The following BRD3 variants were observed in gnomAD, a reference collection of about 807,000 sequenced individuals.
The protein encoded by BRD3 is bromodomain-containing protein 3.
Under a neutral mutation model 66.8 loss-of-function variants are expected in BRD3, and 17 were observed. The observed-to-expected ratio is 0.25, with a 90% CI of 0.17 to 0.38. The LOEUF is 0.38. BRD3 is among the 10% of genes least tolerant of loss of function. The pLI, the probability that BRD3 is intolerant of heterozygous loss-of-function variation, is 1.00. For missense variants in BRD3, 713 were observed against 956.1 expected (o/e 0.75, Z 3.35); for synonymous variants, 421 against 393.2 (o/e 1.07, Z -0.84).
chr9:134,055,234 G>A (rs767775610), intron 1 of BRD3, among the ~76,000 whole-genome samples: 59 of 152,226 alleles, frequency 3.9e-4, no homozygotes, highest in South Asian at 1.2e-3. Context: ...GCACCGCAGG[G>A]TGATCCTGTT....
chr9:134,044,573 A>G (rs1489383664), intron 7 of BRD3, among the ~76,000 whole-genome samples: 1 of 151,926 alleles, frequency 6.6e-6, no homozygotes, highest in Non-Finnish European at 1.5e-5. Context: ...TATAAAAGCA[A>G]ACCACCTGCG....
rs369294776 is a variant in BRD3, at chr9:134,051,767, G to C, written c.352-58C>G. 4.5e-6 allele frequency: 7 copies of C among 1,542,304 alleles called. No homozygotes were observed. The African/African-American group carries it at 9.9e-5, about 22-fold the overall frequency. ...GGAAAGGAGCTGTGTGCTTGCAAAG[G>C]ACATTATTAGTTGTAGCTCAAAAAA... On this transcript the variant is annotated intron_variant, in intron 3 of 11. Coordinates refer to ENST00000303407, the MANE Select transcript of BRD3 (RefSeq NM_007371.4).
At chr9:134,058,661 C>T (rs2132446901) in intron 1 of BRD3, 1 of 152,406 alleles carries the variant, frequency 6.6e-6, no homozygotes, top group East Asian at 1.9e-4. Context: ...CCTACACACA[C>T]CCCTACCCCA....
chr9:134,036,536 T>G (rs759396067), intron 9 of BRD3: 1 of 1,608,612 alleles, frequency 6.2e-7, no homozygotes, highest in African/African-American at 1.3e-5. Context: ...TTACAGAGGT[T>G]CGTTCCTCTC....
At chr9:134,064,931 AC>A (rs1465177726) in intron 1 of BRD3, among the ~76,000 whole-genome samples, 1 of 152,234 alleles carries the variant, frequency 6.6e-6, no homozygotes, top group Non-Finnish European at 1.5e-5. Context: ...GCAAACGCTG[AC>A]CCAAATGCAC....
At position 134,053,263 on chromosome 9, in the gene BRD3, A is replaced by C; in HGVS notation, c.213+2T>G. The C allele has an allele frequency of 6.2e-7, 1 of 1,613,254 alleles. No individual in the cohort carries two copies. Among genetic ancestry groups the C allele is most frequent in the Non-Finnish European group, 8.5e-7 (1 of 1,180,018 alleles). On this transcript the variant is annotated splice_donor_variant, in intron 2 of 11. Coordinates refer to ENST00000303407, the MANE Select transcript of BRD3 (RefSeq NM_007371.4). LOFTEE classifies it high-confidence loss of function. ...GCTCTTGGGGAGGCAGCAGCTACGC[A>C]CCGGCAGGTTCAATTTGATTGCGTC...
intron 9 of BRD3, among the ~76,000 whole-genome samples, chr9:134,036,841 T>C (rs1829928191): frequency 3.3e-5 from 5 of 151,792 alleles, no homozygotes; most frequent in Admixed American, 3.3e-4. Flanking sequence ...ACCTCGTCTC[T>C]ACTACTAAAA....
chr9:134,045,248 C>T lies in BRD3; in HGVS notation c.1215+45G>A, dbSNP rs1163249477. On this transcript the variant is annotated intron_variant, in intron 7 of 11. Transcript: ENST00000303407. The surrounding 1 kb of genome is among the most constrained non-coding windows in gnomAD (Gnocchi z 4.8). Reference sequence around the variant, plus strand: ...CCCCACACTGAGGCCAGGATGCCCACAGCACTGAGCTGAGCAGCCCCACCC... The same window carrying T: ...CCCCACACTGAGGCCAGGATGCCCATAGCACTGAGCTGAGCAGCCCCACCC... 3 of 1,606,546 alleles carry T rather than the reference C, an allele frequency of 1.9e-6. No homozygotes were observed. Among genetic ancestry groups the T allele is most frequent in the South Asian group, 2.2e-5 (2 of 90,732 alleles).
At chr9:134,050,697 A>C in intron 4 of BRD3, 109 bp from the exon 5 acceptor site, 2 of 879,352 alleles carry the variant, frequency 2.3e-6, no homozygotes, top group Non-Finnish European at 3.5e-6. Flanking sequence ...TGTGCTGCCA[A>C]GACCGCCGGC....
At chr9:134,036,531 G>C (rs144650798) in intron 9 of BRD3, 1 of 1,607,722 alleles carries the variant, frequency 6.2e-7, no homozygotes, top group African/African-American at 1.3e-5. Context: ...AACAATTACA[G>C]AGGTTCGTTC....
At chr9:134,053,701 C>T (rs938012773) in intron 1 of BRD3, 111 bp from the exon 2 acceptor site, 9 of 965,262 alleles carry the variant, frequency 9.3e-6, no homozygotes, top group African/African-American at 5.0e-5. Context: ...GCAGGGCCTG[C>T]TCCACTCACT....
At chr9:134,035,945 C>T (rs546977056) in intron 10 of BRD3, 87 bp downstream of exon 10, 52 of 1,497,394 alleles carry the variant, frequency 3.5e-5, no homozygotes, top group East Asian at 1.8e-4. Context: ...CCAAGCTCGC[C>T]GCACAGGGTC....
At chr9:134,060,678 G>C (rs1437129883) in intron 1 of BRD3, among the ~76,000 whole-genome samples, 1 of 152,042 alleles carries the variant, frequency 6.6e-6, no homozygotes, top group Non-Finnish European at 1.5e-5. Flanking sequence ...GCAGTGGCCA[G>C]GCTCCCCTAA....
intron 11 of BRD3, 187 bp downstream of exon 11, chr9:134,034,514 T>C (rs186055838): frequency 2.1e-5 from 16 of 774,460 alleles, no homozygotes; most frequent in African/African-American, 1.4e-4. Flanking sequence ...CCCTGCAGGG[T>C]TGGGGTATGA....
In BRD3 at chr9:134,033,178, A is replaced by C; in HGVS notation, c.*412T>G. On this transcript the variant is annotated 3_prime_UTR_variant, in exon 12 of 12. Coordinates refer to ENST00000303407, the MANE Select transcript of BRD3 (RefSeq NM_007371.4). This position sits in a 1 kb window ranked among gnomAD's most constrained non-coding sequence, Gnocchi z 5.1. ...AAGGACAATGCGTGTTGACAAAGCT[A>C]ACAGCTTTCAAATACAGTACCCATA... 2 of 402,086 alleles carry C rather than the reference A, an allele frequency of 5.0e-6. No individual in the cohort carries two copies. 24.9% of individuals were successfully genotyped at this position (402,086 alleles called of 1,614,324 possible). A position where few individuals can be genotyped will look rare whatever the true frequency, so the allele number is the denominator to read the frequency against.
In BRD3 at chr9:134,045,922, C is replaced by G. The variant is rs1316022123; in HGVS notation, c.1087-501G>C. On this transcript the variant is annotated intron_variant, in intron 6 of 11. Coordinates refer to ENST00000303407, the MANE Select transcript of BRD3 (RefSeq NM_007371.4). This position sits in a 1 kb window ranked among gnomAD's most constrained non-coding sequence, Gnocchi z 4.8. ...TAGCTGTTAGCCAGCTTGCGTCTTA[C>G]AGAAGCACCCTGGTATCCCAGGGGC... is the stretch of plus-strand genomic sequence containing the variant. Among the ~76,000 whole-genome samples the G allele has an allele frequency of 6.6e-6, 1 of 152,220 alleles. No individual in the cohort carries two copies. The highest frequency in any genetic ancestry group is 2.4e-5 in the African/African-American group (1 of 41,458).
Position 134,032,229 on chromosome 9 carries a change from A to G in BRD3, c.*1361T>C, listed in dbSNP as rs1843521043. The G allele has an allele frequency of 4.6e-6, 1 of 215,810 alleles. No homozygotes were observed. 13.4% of individuals were successfully genotyped at this position (215,810 alleles called of 1,614,324 possible). ...TCTGTATATTATTATTTTTTACAAT[A>G]GAAAGTTAAAAATCAAGACTTAGAT... On this transcript the variant is annotated 3_prime_UTR_variant, in exon 12 of 12. Transcript: ENST00000303407.
intron 2 of BRD3, 93 bp from the exon 3 acceptor site, chr9:134,052,536 A>G (rs535400008): frequency 1.1e-4 from 155 of 1,413,598 alleles, no homozygotes; most frequent in Non-Finnish European, 1.4e-4. Flanking sequence ...TCCCAAGTGG[A>G]CTGAGGACTG....
intron 4 of BRD3, 43 bp downstream of exon 4, chr9:134,051,519 C>G (rs12339743): frequency 1.3e-6 from 2 of 1,484,080 alleles, no homozygotes; most frequent in Admixed American, 5.5e-5. Context: ...CCGTGGGCCT[C>G]TGCAGAGAGG....
Sources: allele counts gnomAD v4.1 joint callset (sites outside exome capture counted in the v4.1 genomes callset), GRCh38; gene constraint gnomAD v4.1.1; non-coding constraint Gnocchi (gnomAD v3.1); transcripts MANE v1.5; gene names NCBI Gene and HGNC (gene_info 2026-07-23, HGNC 2026-07-21).